Variants in RARB observed in about 807,000 individuals in gnomAD.
RARB encodes HBV-activated protein.
In RARB, 17 loss-of-function variants were observed where a neutral mutation model predicts 51.9. The ratio of observed to expected loss-of-function variants is 0.33; its 90% CI spans 0.22 to 0.49. The LOEUF (loss-of-function observed/expected upper bound fraction) is 0.49, where lower values mean the gene tolerates loss of function less well. Among genes scored for constraint, RARB ranks in the 20% least tolerant of loss-of-function variants. RARB has a pLI of 0.99. For missense variants in RARB, 369 were observed against 550.8 expected (o/e 0.67, Z 3.30); for synonymous variants, 215 against 195.4 (o/e 1.10, Z -0.84).
chr3:25,397,213 A>G (rs935317022), intron 5 of RARB, among the ~76,000 whole-genome samples: 1 of 152,156 alleles, frequency 6.6e-6, no homozygotes, highest in African/African-American at 2.4e-5. Flanking sequence ...GTGTGCCCAC[A>G]GGGCTCTTCC....
rs184146621 is a variant in RARB at position 25,384,312 on chromosome 3, C to T, written c.179-76881C>T. ...CTCCCTTCATTGTCTCTTCATCCCT[C>T]CCTCCCTCTCTCCTAAGAGCAAGCT... On this transcript the variant is annotated intron_variant, in intron 5 of 11. Coordinates refer to the RARB transcript ENST00000383772. Among the ~76,000 whole-genome samples, 4 of 152,278 alleles carry T rather than the reference C, an allele frequency of 2.6e-5. No individual in the cohort carries two copies. In the East Asian group the frequency reaches 5.8e-4, roughly 22 times the overall value.
At chr3:25,135,184 C>T (rs1020273482) in intron 4 of RARB, among the ~76,000 whole-genome samples, 3 of 151,450 alleles carry the variant, frequency 2.0e-5, no homozygotes, top group Non-Finnish European at 4.4e-5. Flanking sequence ...TAGCCACTAG[C>T]CAGGTGTGGC....
chr3:25,088,146 C>T (rs1699134506), intron 3 of RARB, among the ~76,000 whole-genome samples: 1 of 151,874 alleles, frequency 6.6e-6, no homozygotes, highest in African/African-American at 2.4e-5. Flanking sequence ...TCATATGGAT[C>T]AAAACATTAT....
chr3:25,028,015 C>A (rs1458863155), intron 2 of RARB, among the ~76,000 whole-genome samples: 1 of 152,054 alleles, frequency 6.6e-6, no homozygotes, highest in African/African-American at 2.4e-5. Flanking sequence ...CCTTCCTAAC[C>A]ATTTCAGAAC....
chr3:25,455,550 G>T (rs1404225202), intron 1 of RARB, among the ~76,000 whole-genome samples: 5 of 152,172 alleles, frequency 3.3e-5, no homozygotes, highest in Non-Finnish European at 5.9e-5. Flanking sequence ...GGGTGGAGAT[G>T]TCTAAAATAG....
intron 2 of RARB, among the ~76,000 whole-genome samples, chr3:25,049,721 C>A (rs560165301): frequency 6.6e-6 from 1 of 152,234 alleles, no homozygotes; most frequent in African/African-American, 2.4e-5. Context: ...AGCTCAGCAT[C>A]TTCACATTTG....
chr3:25,320,415 A>G (rs182428763), intron 5 of RARB, among the ~76,000 whole-genome samples: 10 of 152,286 alleles, frequency 6.6e-5, no homozygotes, highest in Admixed American at 6.5e-4. Flanking sequence ...GAGCTGATCC[A>G]TGCTATTTGA....
intron 5 of RARB, among the ~76,000 whole-genome samples, chr3:25,378,495 T>C (rs1429409587): frequency 6.6e-6 from 1 of 152,182 alleles, no homozygotes; most frequent in African/African-American, 2.4e-5. Flanking sequence ...AACAAAAAAA[T>C]CTATTCTATT....
At chr3:24,847,814 A>G (rs568066971) in intron 1 of RARB, among the ~76,000 whole-genome samples, 4 of 152,322 alleles carry the variant, frequency 2.6e-5, no homozygotes, top group African/African-American at 9.6e-5. Flanking sequence ...TGCATTTTCA[A>G]CAAATACCCA....
Position 25,134,690 on chromosome 3 carries a change from A to C in RARB, c.-280+2482A>C, listed in dbSNP as rs1700005840. 2.0e-5 allele frequency among the ~76,000 whole-genome samples: 3 copies of C among 152,054 alleles called. No homozygotes were observed. In the South Asian group the frequency reaches 6.2e-4, roughly 31 times the overall value. On this transcript the variant is annotated intron_variant, in intron 4 of 11. Coordinates refer to the RARB transcript ENST00000383772. ...GAATATTCTACATTAAGAACAAAAA[A>C]AATGGCTGTAAGATCCAGAATGGAT... is the stretch of plus-strand genomic sequence containing the variant.
chr3:24,959,413 G>A (rs557025275), intron 2 of RARB, among the ~76,000 whole-genome samples: 4 of 152,190 alleles, frequency 2.6e-5, no homozygotes, highest in Non-Finnish European at 4.4e-5. Context: ...CCATCCCTCT[G>A]GAGTCAAACT....
Position 25,461,787 on chromosome 3 carries a change from C to G in RARB, c.306+446C>G, listed in dbSNP as rs114794538. Among the ~76,000 whole-genome samples the G allele has an allele frequency of 8.2e-3, 1,251 of 152,278 alleles. 9 individuals carry two copies. The highest frequency in any genetic ancestry group is 0.028 in the African/African-American group (1,150 of 41,554). ...GCTGGTACATCTAGTCCCAGCTACT[C>G]AGGAGGCTGAGACACGAGAATCACT... On this transcript the variant is annotated intron_variant, in intron 2 of 7. Transcript: ENST00000330688.
chr3:25,504,564 TC>T (rs1163087107), intron 3 of RARB, among the ~76,000 whole-genome samples: 1 of 152,060 alleles, frequency 6.6e-6, no homozygotes, highest in African/African-American at 2.4e-5. Context: ...AAGAAAATGT[TC>T]CTCAGAGGGG....
intron 2 of RARB, among the ~76,000 whole-genome samples, chr3:25,462,102 T>C (rs2125556618): frequency 6.6e-6 from 1 of 152,312 alleles, no homozygotes; most frequent in African/African-American, 2.4e-5. Flanking sequence ...GGCCTTTGAA[T>C]TACAGTTTGA....
At chr3:24,856,834 T>G (rs1443520813) in intron 1 of RARB, among the ~76,000 whole-genome samples, 1 of 152,184 alleles carries the variant, frequency 6.6e-6, no homozygotes, top group Admixed American at 6.5e-5. Context: ...GGAGTCTGTA[T>G]CTCGAAAAAG....
At chr3:25,305,942 A>C (rs1031485718) in intron 5 of RARB, among the ~76,000 whole-genome samples, 1 of 152,192 alleles carries the variant, frequency 6.6e-6, no homozygotes, top group African/African-American at 2.4e-5. Context: ...CCAAGTGCCA[A>C]GCTCTTCAGT....
intron 3 of RARB, among the ~76,000 whole-genome samples, chr3:25,094,743 G>GAAAAAAAAAAAAAA (rs1559464234): frequency 2.4e-4 from 21 of 87,004 alleles, no homozygotes; most frequent in Admixed American, 4.7e-4. Flanking sequence ...AAAAAAAAAG[G>GAAAAAAAAAAAAAA]AAACTGCAAC....
intron 2 of RARB, among the ~76,000 whole-genome samples, chr3:25,059,101 T>C (rs1280679230): frequency 6.6e-6 from 1 of 151,752 alleles, no homozygotes; most frequent in African/African-American, 2.4e-5. Context: ...TATTTTACAA[T>C]CATTTTCCAC....
At chr3:24,967,962 G>A (rs545668745) in intron 2 of RARB, among the ~76,000 whole-genome samples, 12 of 152,214 alleles carry the variant, frequency 7.9e-5, no homozygotes, top group Non-Finnish European at 1.5e-4. Flanking sequence ...TAGAGTTTCC[G>A]GAAGCAAGCA....
Sources: allele counts gnomAD v4.1 joint callset (sites outside exome capture counted in the v4.1 genomes callset), GRCh38; gene constraint gnomAD v4.1.1; transcripts MANE v1.5; gene names NCBI Gene and HGNC (gene_info 2026-07-23, HGNC 2026-07-21).